NCKAP5: variants seen among roughly 807,000 people sequenced by gnomAD.
The protein encoded by NCKAP5 is nck-associated protein 5.
In NCKAP5, 92 loss-of-function variants were observed where a neutral mutation model predicts 167.0. The observed-to-expected ratio is 0.55, with a 90% CI of 0.47 to 0.66. The LOEUF is 0.66. Among genes scored for constraint, NCKAP5 ranks in the 30% least tolerant of loss-of-function variants. NCKAP5 has a pLI of 0.00. For synonymous variants in NCKAP5, 891 were observed against 877.4 expected, an observed-to-expected ratio of 1.02 and a Z score of -0.27; for missense variants, 2,378 against 2,315.0, an observed-to-expected ratio of 1.03 and a Z score of -0.56.
chr2:133,187,117 C>T (rs762828403), intron 5 of NCKAP5, among the ~76,000 whole-genome samples: 1 of 151,968 alleles, frequency 6.6e-6, no homozygotes, highest in Non-Finnish European at 1.5e-5. Context: ...CTTATCATTG[C>T]TTTAGCTGAG....
At chr2:133,250,148 G>C (rs915754603) in intron 4 of NCKAP5, among the ~76,000 whole-genome samples, 2 of 151,814 alleles carry the variant, frequency 1.3e-5, no homozygotes, top group African/African-American at 4.8e-5. Context: ...AGAAACAATG[G>C]GTCCAAGCCT....
At chr2:133,027,954 T>C (rs1318162830) in intron 6 of NCKAP5, among the ~76,000 whole-genome samples, 1 of 152,162 alleles carries the variant, frequency 6.6e-6, no homozygotes, top group African/African-American at 2.4e-5. Context: ...TGTTTTCTCA[T>C]GGACCCAGAA....
the NCKAP5 span, among the ~76,000 whole-genome samples, chr2:133,615,887 C>G: frequency 6.6e-6 from 1 of 151,636 alleles, no homozygotes. Context: ...CCAAAATTGA[C>G]CACATAGTTG....
chr2:133,248,954 G>C (rs1350897139), intron 4 of NCKAP5, among the ~76,000 whole-genome samples: 2 of 152,074 alleles, frequency 1.3e-5, no homozygotes. Flanking sequence ...AACATTTCTT[G>C]GTATCTTACT....
At chr2:133,649,442 T>G in the NCKAP5 span, among the ~76,000 whole-genome samples, 1 of 151,568 alleles carries the variant, frequency 6.6e-6, no homozygotes, top group Admixed American at 6.6e-5. Flanking sequence ...AAAAGAAAAT[T>G]GCAGGCCACT....
intron 19 of NCKAP5, among the ~76,000 whole-genome samples, chr2:132,676,500 G>T (rs1000919687): frequency 1.3e-5 from 2 of 151,652 alleles, no homozygotes; most frequent in African/African-American, 4.8e-5. Flanking sequence ...CACTGAAGTG[G>T]CTTACTTTTC....
intron 8 of NCKAP5, among the ~76,000 whole-genome samples, chr2:132,881,058 A>G (rs1691708842): frequency 6.6e-6 from 1 of 152,220 alleles, no homozygotes; most frequent in African/African-American, 2.4e-5. Context: ...AATTGTCCCA[A>G]TAATGTCATT....
At chr2:132,941,298 T>TC (rs1697277513) in intron 8 of NCKAP5, among the ~76,000 whole-genome samples, 1 of 152,240 alleles carries the variant, frequency 6.6e-6, no homozygotes, top group African/African-American at 2.4e-5. Context: ...TATCAGCATC[T>TC]CCCTGTGACT....
chr2:132,709,218 C>T (rs1435427974), intron 19 of NCKAP5, among the ~76,000 whole-genome samples: 2 of 151,020 alleles, frequency 1.3e-5, no homozygotes, highest in Non-Finnish European at 3.0e-5. Context: ...ATTCTTGAGC[C>T]CCAAAAATAA....
chr2:133,235,779 C>T (rs1055282857), intron 4 of NCKAP5, among the ~76,000 whole-genome samples: 5 of 151,848 alleles, frequency 3.3e-5, no homozygotes, highest in Non-Finnish European at 7.4e-5. Flanking sequence ...TGGCATGCAC[C>T]TGTAATCCCA....
intron 17 of NCKAP5, among the ~76,000 whole-genome samples, chr2:132,730,674 T>C (rs1690909116): frequency 6.6e-6 from 1 of 152,238 alleles, no homozygotes; most frequent in Non-Finnish European, 1.5e-5. Flanking sequence ...CGCCGCTGAA[T>C]TGAGGTCACA....
intron 8 of NCKAP5, among the ~76,000 whole-genome samples, chr2:132,882,637 T>A (rs1203655682): frequency 6.6e-6 from 1 of 152,202 alleles, no homozygotes; most frequent in East Asian, 1.9e-4. Context: ...TTTTAGTGTG[T>A]TTATATTATT....
intron 5 of NCKAP5, among the ~76,000 whole-genome samples, chr2:133,207,642 A>G (rs2086012444): frequency 6.6e-6 from 1 of 151,484 alleles, no homozygotes; most frequent in Non-Finnish European, 1.5e-5. Flanking sequence ...TAAGAGAAAA[A>G]GGAAAAACAA....
At chr2:132,873,894 A>G (rs1160122655) in intron 9 of NCKAP5, among the ~76,000 whole-genome samples, 1 of 152,186 alleles carries the variant, frequency 6.6e-6, no homozygotes, top group African/African-American at 2.4e-5. Flanking sequence ...TCATTTAGTC[A>G]TTCAACAAAT....
intron 3 of NCKAP5, among the ~76,000 whole-genome samples, chr2:133,353,517 T>C (rs1262111142): frequency 6.6e-6 from 1 of 152,098 alleles, no homozygotes; most frequent in Non-Finnish European, 1.5e-5. Context: ...AGAGGGTGGT[T>C]CCCAGCAAAA....
At chr2:133,088,065 C>T (rs546048123) in intron 6 of NCKAP5, among the ~76,000 whole-genome samples, 2 of 152,324 alleles carry the variant, frequency 1.3e-5, no homozygotes, top group East Asian at 3.9e-4. Context: ...TCCTCTCTCA[C>T]TATTAAAAGG....
At chr2:133,321,623 T>C (rs1574696357) in intron 3 of NCKAP5, among the ~76,000 whole-genome samples, 1 of 152,162 alleles carries the variant, frequency 6.6e-6, no homozygotes, top group African/African-American at 2.4e-5. Flanking sequence ...AAATGTTTTA[T>C]AAAAGAAGAG....
intron 6 of NCKAP5, among the ~76,000 whole-genome samples, chr2:133,035,958 T>C (rs551050958): frequency 1.3e-5 from 2 of 151,502 alleles, no homozygotes; most frequent in South Asian, 4.2e-4. Context: ...AGAGAGAATA[T>C]CCAAATAAAT....
At chr2:133,406,590 A>AAGGG (rs367922202) in intron 3 of NCKAP5, among the ~76,000 whole-genome samples, 1,860 of 136,686 alleles carry the variant, frequency 0.014, 47 homozygotes, top group African/African-American at 0.042. Context: ...GGAAGGAAGG[A>AAGGG]AGGGAGGGAG....
Sources: allele counts gnomAD v4.1 joint callset (sites outside exome capture counted in the v4.1 genomes callset), GRCh38; gene constraint gnomAD v4.1.1; transcripts MANE v1.5; gene names NCBI Gene and HGNC (gene_info 2026-07-23, HGNC 2026-07-21).